The following SMG5 variants were observed in gnomAD, a reference collection of about 807,000 sequenced individuals.
The protein encoded by SMG5 is SMG5 nonsense mediated mRNA decay factor, also known as nonsense-mediated mRNA decay factor SMG5.
Under a neutral mutation model 122.9 loss-of-function variants are expected in SMG5, and 53 were observed. The observed-to-expected ratio is 0.43, with a 90% confidence interval of 0.35 to 0.54. The LOEUF (loss-of-function observed/expected upper bound fraction) is 0.54. Among genes scored for constraint, SMG5 ranks in the 20% least tolerant of loss-of-function variants. The pLI, the probability that SMG5 is intolerant of heterozygous loss-of-function variation, is 0.01. For synonymous variants in SMG5, 477 were observed against 490.2 expected, an observed-to-expected ratio of 0.97 and a Z score of 0.35; for missense variants, 1,153 against 1,285.6, an observed-to-expected ratio of 0.90 and a Z score of 1.58.
intron 12 of SMG5, 151 bp downstream of exon 12, chr1:156,265,630 G>GA (rs1558238279): frequency 1.7e-6 from 2 of 1,210,976 alleles, no homozygotes; most frequent in Non-Finnish European, 2.3e-6. Context: ...GGACCCTCAG[G>GA]AAAAAACTCA....
upstream of SMG5, chr1:156,285,665 G>A (rs6684514): frequency 0.28 from 447,359 of 1,613,758 alleles, 63,877 homozygotes; most frequent in Non-Finnish European, 0.29. Context: ...AGACCTTATC[G>A]TGCGCTGTGA....
At chr1:156,288,764 T>A in the SMG5 span, among the ~76,000 whole-genome samples, 1 of 152,228 alleles carries the variant, frequency 6.6e-6, no homozygotes, top group Non-Finnish European at 1.5e-5. Context: ...CCCACCAGCC[T>A]CCTGACCATC....
At chr1:156,286,384 C>T (rs759375927), upstream of SMG5, 1 of 1,614,066 alleles carries the variant, frequency 6.2e-7, no homozygotes, top group African/African-American at 1.3e-5. Context: ...TTATTCTCTA[C>T]TTCTTCAACC....
At chr1:156,279,784 G>A (rs368851142) in intron 1 of SMG5, among the ~76,000 whole-genome samples, 2 of 152,132 alleles carry the variant, frequency 1.3e-5, no homozygotes, top group Non-Finnish European at 2.9e-5. Context: ...CTCCTGGGCT[G>A]CTTAGCCGTA....
chr1:156,286,873 C>T (rs1158282101), upstream of SMG5, among the ~76,000 whole-genome samples: 1 of 152,216 alleles, frequency 6.6e-6, no homozygotes, highest in Non-Finnish European at 1.5e-5. Context: ...CCTGTAATCT[C>T]AGCACTTTGA....
chr1:156,291,466 G>C, the SMG5 span: 3 of 1,613,736 alleles, frequency 1.9e-6, no homozygotes, highest in Non-Finnish European at 1.7e-6. Context: ...CACTGCTGTC[G>C]ATGCTGATGT....
rs756873510 is a variant in SMG5, at chr1:156,268,203, A to G, written c.840-20T>C. On this transcript the variant is annotated intron_variant, in intron 8 of 21. Transcript: ENST00000361813. The stretch of plus-strand genomic sequence containing the variant: ...TTACATCTGAAATGAGAAGAGCCCA[A>G]AGTAAATGCTGAATGGTCCCGCAGT... 8.1e-6 allele frequency: 13 copies of G among 1,614,120 alleles called. No individual in the cohort carries two copies. The African/African-American group carries it at 1.7e-4, about 22-fold the overall frequency.
At chr1:156,261,440 G>A in intron 13 of SMG5, 32 bp from the exon 14 acceptor site, 1 of 1,579,370 alleles carries the variant, frequency 6.3e-7, no homozygotes, top group Non-Finnish European at 8.7e-7. Flanking sequence ...GAGGCCTTCA[G>A]CTAGAGACAG....
intron 17 of SMG5, 132 bp from the exon 18 acceptor site, chr1:156,253,210 T>A: frequency 9.1e-7 from 1 of 1,098,066 alleles, no homozygotes; most frequent in East Asian, 2.6e-5. Flanking sequence ...TCTCTACCAA[T>A]GGCTTTGGGG....
rs1425421803 is a variant in SMG5, at chr1:156,252,516, G to A, written c.2663-12C>T. On this transcript the variant is annotated splice_polypyrimidine_tract_variant and intron_variant, in intron 18 of 21. Transcript: ENST00000361813. The stretch of plus-strand genomic sequence containing the variant: ...CAGGCCATCGATCACTGGTGGGCAA[G>A]GTAGGGAAAGACAAAACAGATAAGC... The A allele has an allele frequency of 6.2e-7, 1 of 1,613,666 alleles. No homozygotes were observed. The highest frequency in any genetic ancestry group is 8.5e-7 in the Non-Finnish European group (1 of 1,179,852).
intron 13 of SMG5, 74 bp downstream of exon 13, chr1:156,263,321 C>T: frequency 6.6e-7 from 1 of 1,506,370 alleles, no homozygotes; most frequent in African/African-American, 1.4e-5. Flanking sequence ...GGGGGATCCT[C>T]AGGCCCCATC....
Position 156,282,816 on chromosome 1 carries a change from T to G in SMG5, c.-136A>C. The G allele has an allele frequency of 5.5e-6, 5 of 910,424 alleles. No homozygotes were observed. The highest frequency in any genetic ancestry group is 8.0e-6 in the Non-Finnish European group (5 of 628,446). The allele number at this position is 910,424 out of a possible 1,614,324, so 56.4% of individuals were successfully genotyped here. A position where few individuals can be genotyped will look rare whatever the true frequency, so the allele number is the denominator to read the frequency against. Reference sequence around the variant, plus strand: ...TCGGCCGCCATCGCTGTGAGGCGGCTGCCCGCGACAGCTCCTCCTCCGCCT... The same window carrying G: ...TCGGCCGCCATCGCTGTGAGGCGGCGGCCCGCGACAGCTCCTCCTCCGCCT... On this transcript the variant is annotated 5_prime_UTR_variant, in exon 1 of 22. Coordinates refer to ENST00000361813, the MANE Select transcript of SMG5 (RefSeq NM_015327.3).
chr1:156,264,699 A>C (rs1295076053), intron 12 of SMG5, among the ~76,000 whole-genome samples: 2 of 152,140 alleles, frequency 1.3e-5, no homozygotes, highest in African/African-American at 4.8e-5. Flanking sequence ...AGGGAGGAAA[A>C]GCACTTGCCA....
intron 10 of SMG5, among the ~76,000 whole-genome samples, chr1:156,267,235 A>G (rs1237648212): frequency 5.9e-5 from 9 of 152,202 alleles, no homozygotes; most frequent in Non-Finnish European, 1.2e-4. Context: ...GGGTGTGCAT[A>G]TTTATGGGAG....
chr1:156,252,783 G>A, intron 18 of SMG5, 136 bp downstream of exon 18: 1 of 936,624 alleles, frequency 1.1e-6, no homozygotes. Context: ...CACAGATGAA[G>A]TGACGGGTTC....
intron 10 of SMG5, 120 bp from the exon 11 acceptor site, chr1:156,266,798 A>AT: frequency 9.6e-7 from 1 of 1,036,672 alleles, no homozygotes. Flanking sequence ...CTTATCAAAG[A>AT]TTCTTTTTTT....
At position 156,249,716 on chromosome 1, in the gene SMG5, G is replaced by C. The variant is rs566349885; in HGVS notation, c.*871C>G. The C allele has an allele frequency of 6.2e-5, 29 of 469,166 alleles. No homozygotes were observed. Among genetic ancestry groups the C allele is most frequent in the Non-Finnish European group, 1.1e-4 (25 of 226,920 alleles). 29.1% of individuals were successfully genotyped at this position (469,166 alleles called of 1,614,324 possible). ...GCCCCTTGTCTTCAGCCCTCCCTTAGATAGGAAGGGGGGTGGTGGCCTCAG... is the reference window on the plus strand; with the variant it reads ...GCCCCTTGTCTTCAGCCCTCCCTTACATAGGAAGGGGGGTGGTGGCCTCAG... On this transcript the variant is annotated 3_prime_UTR_variant, in exon 22 of 22. Transcript: ENST00000361813.
the SMG5 span, among the ~76,000 whole-genome samples, chr1:156,289,854 G>A: frequency 6.7e-4 from 102 of 152,290 alleles, 1 homozygote; most frequent in African/African-American, 2.3e-3. Flanking sequence ...TATCTTCCAC[G>A]AAATCTGTGG....
intron 7 of SMG5, among the ~76,000 whole-genome samples, chr1:156,269,853 C>T (rs567011087): frequency 2.2e-4 from 33 of 152,128 alleles, no homozygotes; most frequent in Non-Finnish European, 4.4e-4. Flanking sequence ...CCAGCCTGTG[C>T]GACAGTGCGA....
Sources: gnomAD v4.1 joint callset for allele counts (sites outside exome capture counted in the v4.1 genomes callset) on GRCh38, gnomAD v4.1.1 for gene constraint, MANE v1.5 for transcripts, NCBI Gene and HGNC (gene_info 2026-07-23, HGNC 2026-07-21) for gene names.